The following RNF38 variants were observed in gnomAD, a reference collection of about 807,000 sequenced individuals.
RNF38 encodes E3 ubiquitin-protein ligase RNF38.
In RNF38, 15 loss-of-function variants were observed where a neutral mutation model predicts 67.2. The observed-to-expected ratio is 0.22, with a 90% CI of 0.15 to 0.34. RNF38 has a LOEUF of 0.34. Among genes scored for constraint, RNF38 ranks in the 10% least tolerant of loss-of-function variants. The probability of loss-of-function intolerance (pLI) is 1.00; values close to 1 mark genes in which losing one functional copy is unlikely to be tolerated. For synonymous variants in RNF38, 220 were observed against 218.8 expected, an observed-to-expected ratio of 1.01 and a Z score of -0.05; for missense variants, 524 against 639.9, an observed-to-expected ratio of 0.82 and a Z score of 1.95.
intron 2 of RNF38, 30 bp from the exon 3 acceptor site, chr9:36,376,157 G>GT: frequency 6.7e-7 from 1 of 1,498,466 alleles, no homozygotes; most frequent in Non-Finnish European, 8.9e-7. Flanking sequence ...GATCAACTGA[G>GT]TAAGATCTTT....
intron 1 of RNF38, among the ~76,000 whole-genome samples, chr9:36,482,066 T>TTC (rs1840282888): frequency 7.1e-6 from 1 of 140,262 alleles, no homozygotes; most frequent in South Asian, 2.3e-4. Flanking sequence ...TTTTTTTTTT[T>TTC]TTTTGAGACG....
intron 1 of RNF38, among the ~76,000 whole-genome samples, chr9:36,437,335 T>C (rs1839093439): frequency 6.6e-6 from 1 of 152,062 alleles, no homozygotes; most frequent in South Asian, 2.1e-4. Flanking sequence ...TGAGCCTAAA[T>C]ATAAGTAAAT....
chr9:36,463,041 C>T (rs969087941), intron 1 of RNF38, among the ~76,000 whole-genome samples: 5 of 151,848 alleles, frequency 3.3e-5, no homozygotes, highest in Non-Finnish European at 1.5e-5. Context: ...AGAATGGCTA[C>T]TCCATAGGCA....
chr9:36,399,575 G>A (rs1170729399), intron 1 of RNF38, among the ~76,000 whole-genome samples: 2 of 149,320 alleles, frequency 1.3e-5, no homozygotes, highest in African/African-American at 5.0e-5. Flanking sequence ...TATCTGAAGT[G>A]ACACAATTCC....
intron 1 of RNF38, among the ~76,000 whole-genome samples, chr9:36,480,001 T>C (rs188741740): frequency 2.6e-5 from 4 of 152,184 alleles, no homozygotes; most frequent in East Asian, 3.9e-4. Context: ...TTTTTTGAGA[T>C]GGAGTCTCAC....
chr9:36,396,786 T>TAA (rs891588901), intron 1 of RNF38, among the ~76,000 whole-genome samples: 5 of 147,132 alleles, frequency 3.4e-5, no homozygotes, highest in Non-Finnish European at 6.0e-5. Context: ...AAAGCTTCTT[T>TAA]AAAAAAAAAA....
chr9:36,382,780 C>T (rs1158588828), intron 2 of RNF38, among the ~76,000 whole-genome samples: 5 of 152,174 alleles, frequency 3.3e-5, no homozygotes, highest in Admixed American at 6.5e-5. Context: ...TACTCTTCAC[C>T]TTAGATTTAC....
chr9:36,436,074 T>C (rs1290443146), intron 1 of RNF38, among the ~76,000 whole-genome samples: 3 of 152,246 alleles, frequency 2.0e-5, no homozygotes, highest in Non-Finnish European at 4.4e-5. Context: ...AAGCTTCCTA[T>C]ATGAGGCTAC....
Position 36,409,762 on chromosome 9 carries a change from C to G in RNF38, n.312+14851G>C, listed in dbSNP as rs557749577. ...CAGACATATGTGATACACGGTGCAT[C>G]TCCACAAACCCTGTATCCTCCTGCC... On this transcript the variant is annotated intron_variant and non_coding_transcript_variant, in intron 2 of 3. Transcript: ENST00000488058. Among the ~76,000 whole-genome samples, 10 of 152,326 alleles carry G rather than the reference C, an allele frequency of 6.6e-5. No individual in the cohort carries two copies. In the South Asian group the frequency reaches 2.1e-3, roughly 32 times the overall value.
chr9:36,377,796 ATAT>A (rs1310646435), intron 2 of RNF38, among the ~76,000 whole-genome samples: 2 of 152,110 alleles, frequency 1.3e-5, no homozygotes, highest in Non-Finnish European at 2.9e-5. Context: ...ACACAATACA[ATAT>A]AAATGTTTTA....
chr9:36,427,706 C>CTATCTATCTAT (rs1564058865), intron 1 of RNF38, among the ~76,000 whole-genome samples: 2 of 105,732 alleles, frequency 1.9e-5, no homozygotes, highest in African/African-American at 7.3e-5. Context: ...TATCTATCTA[C>CTATCTATCTAT]CTACCTATCT....
chr9:36,400,459 C>T (rs1837929836), upstream of RNF38: 1 of 1,050,980 alleles, frequency 9.5e-7, no homozygotes, highest in South Asian at 3.9e-5. Flanking sequence ...CGAGGCAAAC[C>T]TTAGCCCAAG....
intron 6 of RNF38, among the ~76,000 whole-genome samples, chr9:36,353,948 A>C (rs1371346388): frequency 2.6e-5 from 4 of 152,230 alleles, no homozygotes; most frequent in Non-Finnish European, 5.9e-5. Context: ...TAACACTGGG[A>C]AACAAGAGGG....
intron 1 of RNF38, among the ~76,000 whole-genome samples, chr9:36,437,775 GT>G (rs1839103068): frequency 6.6e-6 from 1 of 152,328 alleles, no homozygotes; most frequent in Non-Finnish European, 1.5e-5. Context: ...AGGCAATTCA[GT>G]GAGTCTATTA....
At chr9:36,440,643 C>T (rs1839172346) in intron 1 of RNF38, among the ~76,000 whole-genome samples, 1 of 151,948 alleles carries the variant, frequency 6.6e-6, no homozygotes, top group Admixed American at 6.6e-5. Flanking sequence ...ATAAATAAGG[C>T]CCTGTTATCT....
chr9:36,463,942 C>T (rs905082054), intron 1 of RNF38, among the ~76,000 whole-genome samples: 7 of 151,800 alleles, frequency 4.6e-5, no homozygotes, highest in Non-Finnish European at 8.8e-5. Flanking sequence ...CCGAGGCGGG[C>T]GGATCACGAG....
At chr9:36,400,380 C>G (rs1487993347), upstream of RNF38, 2 of 1,168,612 alleles carry the variant, frequency 1.7e-6, no homozygotes, top group Non-Finnish European at 2.1e-6. Context: ...TGCCGGGCAG[C>G]GGGCCGGCGG....
intron 1 of RNF38, among the ~76,000 whole-genome samples, chr9:36,462,928 G>A (rs1006980575): frequency 6.6e-6 from 1 of 151,750 alleles, no homozygotes; most frequent in East Asian, 1.9e-4. Context: ...GCCTGCCTCA[G>A]TCTCCCCTGC....
At chr9:36,342,137 A>G (rs561371099) in intron 11 of RNF38, among the ~76,000 whole-genome samples, 188 bp downstream of exon 11, 2 of 151,140 alleles carry the variant, frequency 1.3e-5, no homozygotes, top group East Asian at 2.0e-4. Context: ...TGGATTTTGT[A>G]TAGTCACTCC....
Sources: gnomAD v4.1 joint callset for allele counts (sites outside exome capture counted in the v4.1 genomes callset) on GRCh38, gnomAD v4.1.1 for gene constraint, MANE v1.5 for transcripts, NCBI Gene and HGNC (gene_info 2026-07-23, HGNC 2026-07-21) for gene names.